EPYC: variants seen among roughly 807,000 people sequenced by gnomAD.
EPYC encodes epiphycan, also known as dermatan sulfate proteoglycan 3.
In EPYC, 28 loss-of-function variants were observed where a neutral mutation model predicts 30.1. The ratio of observed to expected loss-of-function variants is 0.93; its 90% CI spans 0.69 to 1.28. The LOEUF is 1.28. Among genes scored for constraint, EPYC ranks in the 50% most tolerant of loss-of-function variants. EPYC has a pLI of 0.00. For missense variants in EPYC, 382 were observed against 383.5 expected, an observed-to-expected ratio of 1.00 and a Z score of 0.03; for synonymous variants, 144 against 141.4, an observed-to-expected ratio of 1.02 and a Z score of -0.13.
rs749733819 is a variant in EPYC at position 90,971,821 on chromosome 12, C to T, written c.681G>A (p.Gly227=). The change falls in exon 5 of 7, where the codon GGG becomes GGA. Residue 227 remains glycine (G), a synonymous_variant. Coordinates refer to ENST00000261172, the MANE Select transcript of EPYC (RefSeq NM_004950.5). ...DISNNRLGRK[G]IKQEAFKDMY... ...TTACTTTAAATGCTTCTTGCTTTAT[C>T]CCTTTCCTTCCAAGTCTATTGTTGC... The T allele has an allele frequency of 1.2e-6, 2 of 1,605,306 alleles. No homozygotes were observed. Among genetic ancestry groups the T allele is most frequent in the Non-Finnish European group, 1.7e-6 (2 of 1,176,630 alleles).
intron 2 of EPYC, among the ~76,000 whole-genome samples, chr12:90,999,679 T>G (rs1391349363): frequency 6.6e-6 from 1 of 151,980 alleles, no homozygotes; most frequent in African/African-American, 2.4e-5. Flanking sequence ...TTACCACGAG[T>G]CACTGAAATC....
rs1876999127 is a variant in EPYC at position 90,970,082 on chromosome 12, G to A, written c.760C>T (p.Leu254=). 2.5e-6 allele frequency: 4 copies of A among 1,613,928 alleles called. No homozygotes were observed. In the African/African-American group the frequency reaches 4.0e-5, roughly 16 times the overall value. ...LTDNNLDHIP[L]PLPENLRALH... is the part of the protein sequence containing the mutation. Reference sequence around the variant, plus strand: ...GCTCGTAGATTTTCTGGGAGTGGCAGAGGGATGTGGTCCAAGTTGTTATCA... The same window carrying A: ...GCTCGTAGATTTTCTGGGAGTGGCAAAGGGATGTGGTCCAAGTTGTTATCA... The change falls in exon 6 of 7, where the codon CTG becomes TTG. Residue 254 remains leucine (L), a synonymous_variant. Transcript: ENST00000261172.
chr12:91,003,208 T>C (rs1172493114), intron 1 of EPYC, among the ~76,000 whole-genome samples: 1 of 152,166 alleles, frequency 6.6e-6, no homozygotes, highest in African/African-American at 2.4e-5. Context: ...TGTTACTTCT[T>C]TGTAGCCTCT....
intron 4 of EPYC, 97 bp from the exon 5 acceptor site, chr12:90,972,099 G>T: frequency 4.3e-6 from 3 of 693,500 alleles, no homozygotes; most frequent in Non-Finnish European, 7.0e-6. Context: ...TATAAATTTA[G>T]CAATGCACAG....
At chr12:90,983,390 C>A (rs1877371714) in intron 2 of EPYC, among the ~76,000 whole-genome samples, 1 of 152,124 alleles carries the variant, frequency 6.6e-6, no homozygotes, top group African/African-American at 2.4e-5. Context: ...ACACCGGGCA[C>A]CTGTTGGCCA....
chr12:90,987,270 C>A (rs1877473927), intron 2 of EPYC, among the ~76,000 whole-genome samples: 2 of 151,750 alleles, frequency 1.3e-5, no homozygotes, highest in Admixed American at 6.6e-5. Flanking sequence ...GACATGCTAG[C>A]CCTGAGATAA....
chr12:91,001,893 A>C (rs563982085), intron 2 of EPYC, among the ~76,000 whole-genome samples: 1 of 152,212 alleles, frequency 6.6e-6, no homozygotes, highest in South Asian at 2.1e-4. Flanking sequence ...TGAGCTTTAA[A>C]AAAACAAAAG....
chr12:90,970,235 C>A, intron 5 of EPYC, 96 bp from the exon 6 acceptor site: 2 of 853,914 alleles, frequency 2.3e-6, no homozygotes, highest in Non-Finnish European at 3.8e-6. Flanking sequence ...CCTCTACATG[C>A]AGATATTTGT....
chr12:90,971,726 C>T (rs1049231332), intron 5 of EPYC, 74 bp downstream of exon 5: 57 of 569,394 alleles, frequency 1.0e-4, no homozygotes, highest in Non-Finnish European at 1.4e-4. Flanking sequence ...TTTCCCTACA[C>T]GAATAAAAAA....
intron 2 of EPYC, among the ~76,000 whole-genome samples, chr12:90,981,436 T>C (rs183283179): frequency 2.4e-4 from 37 of 152,304 alleles, no homozygotes; most frequent in Admixed American, 1.5e-3. Context: ...TTTGTGTTAT[T>C]ATTAAAAATA....
intron 3 of EPYC, among the ~76,000 whole-genome samples, 188 bp downstream of exon 3, chr12:90,977,900 C>T (rs944794394): frequency 1.3e-5 from 2 of 151,866 alleles, no homozygotes; most frequent in Non-Finnish European, 2.9e-5. Flanking sequence ...TTTATGAGAC[C>T]GAAGCTGAAT....
chr12:90,982,292 G>C (rs765288848), intron 2 of EPYC, among the ~76,000 whole-genome samples: 1 of 152,058 alleles, frequency 6.6e-6, no homozygotes, highest in Non-Finnish European at 1.5e-5. Context: ...CAGCTTTATG[G>C]AGATGTAATT....
At chr12:90,969,937 T>C (rs1224594320) in intron 6 of EPYC, 107 bp downstream of exon 6, 22 of 746,466 alleles carry the variant, frequency 2.9e-5, no homozygotes, top group African/African-American at 1.8e-5. Context: ...AGAAAAGTTA[T>C]CACAGTGTGT....
intron 2 of EPYC, 116 bp downstream of exon 2, chr12:91,002,285 T>A (rs1193522684): frequency 1.3e-6 from 1 of 799,528 alleles, no homozygotes; most frequent in Non-Finnish European, 1.9e-6. Context: ...TATGAAATTA[T>A]TAACATAAAA....
rs114966827 is a variant in EPYC, at chr12:91,000,120, A to G, written c.165+2281T>C. On this transcript the variant is annotated intron_variant, in intron 2 of 6. Coordinates refer to ENST00000261172, the MANE Select transcript of EPYC (RefSeq NM_004950.5). ...TTTTCTGATCATGAGTTCATCACCA[A>G]GGAATGTTAAGTAAGGGATAACTAA... Among the ~76,000 whole-genome samples the G allele has an allele frequency of 9.3e-4, 142 of 152,186 alleles. 1 individual carries two copies. Among genetic ancestry groups the G allele is most frequent in the African/African-American group, 3.3e-3 (136 of 41,582 alleles).
intron 5 of EPYC, 42 bp from the exon 6 acceptor site, chr12:90,970,181 A>G: frequency 7.2e-7 from 1 of 1,388,074 alleles, no homozygotes; most frequent in South Asian, 1.2e-5. Flanking sequence ...AAAACTCAAT[A>G]AAAACTCAAT....
chr12:91,000,269 G>T (rs1415100676), intron 2 of EPYC, among the ~76,000 whole-genome samples: 1 of 152,048 alleles, frequency 6.6e-6, no homozygotes, highest in Non-Finnish European at 1.5e-5. Context: ...AGAATTGTTT[G>T]TATGTGGTAA....
intron 2 of EPYC, among the ~76,000 whole-genome samples, chr12:90,999,892 A>G (rs1338537397): frequency 6.6e-6 from 1 of 151,750 alleles, no homozygotes; most frequent in Admixed American, 6.6e-5. Context: ...ATGTCATCTT[A>G]TTTACTTTAT....
At chr12:90,981,585 C>T (rs1877326684) in intron 2 of EPYC, among the ~76,000 whole-genome samples, 1 of 151,962 alleles carries the variant, frequency 6.6e-6, no homozygotes, top group Non-Finnish European at 1.5e-5. Flanking sequence ...TTCATTTGCC[C>T]CTTAGCAGAA....
Sources: allele counts gnomAD v4.1 joint callset (sites outside exome capture counted in the v4.1 genomes callset), GRCh38; gene constraint gnomAD v4.1.1; transcripts MANE v1.5; gene names NCBI Gene and HGNC (gene_info 2026-07-23, HGNC 2026-07-21).